UBE2E2: variants seen among roughly 807,000 people sequenced by gnomAD.
UBE2E2 encodes the protein ubiquitin conjugating enzyme E2 E2.
A neutral mutation model predicts 24.7 loss-of-function variants in UBE2E2; 6 were observed. The observed-to-expected ratio is 0.24, with a 90% CI of 0.13 to 0.48. UBE2E2 has a LOEUF of 0.48. Ranked by LOEUF, UBE2E2 falls within the 20% of genes least tolerant of loss-of-function variation. The pLI is 0.99. For missense variants in UBE2E2, 169 were observed against 245.0 expected, an observed-to-expected ratio of 0.69 and a Z score of 2.07; for synonymous variants, 104 against 83.6, an observed-to-expected ratio of 1.24 and a Z score of -1.33.
chr3:23,515,399 A>G (rs1325313770), intron 4 of UBE2E2, among the ~76,000 whole-genome samples: 4 of 152,132 alleles, frequency 2.6e-5, no homozygotes, highest in Non-Finnish European at 4.4e-5. Context: ...GGCTTTCTCA[A>G]GGAAGTATTA....
intron 5 of UBE2E2, among the ~76,000 whole-genome samples, chr3:23,587,293 C>T (rs78022557): frequency 0.017 from 2,558 of 152,278 alleles, 29 homozygotes; most frequent in Middle Eastern, 0.041. Flanking sequence ...TTTCCCACCC[C>T]ACAGCTTCTT....
Position 23,214,228 on chromosome 3 carries a change from A to G in UBE2E2, c.177-3034A>G, listed in dbSNP as rs186391868. Among the ~76,000 whole-genome samples the G allele has an allele frequency of 1.5e-3, 231 of 152,262 alleles. 1 individual carries two copies. The highest frequency in any genetic ancestry group is 5.2e-3 in the African/African-American group (217 of 41,554). ...GGGATCTGGAGTTCAAATTTTATAT[A>G]GAATTATATGACAGAAAATTATGAT... On this transcript the variant is annotated intron_variant, in intron 2 of 5. Coordinates refer to ENST00000396703, the MANE Select transcript of UBE2E2 (RefSeq NM_152653.4).
chr3:23,248,250 G>A (rs1697471686), intron 3 of UBE2E2, among the ~76,000 whole-genome samples: 1 of 152,204 alleles, frequency 6.6e-6, no homozygotes, highest in East Asian at 1.9e-4. Context: ...TTTGAATGTG[G>A]GAACACTCCT....
chr3:23,224,850 A>C (rs1028704714), intron 3 of UBE2E2, among the ~76,000 whole-genome samples: 2 of 151,832 alleles, frequency 1.3e-5, no homozygotes. Context: ...TTTCTCTTAG[A>C]TATGTACCTA....
At chr3:23,345,721 T>A (rs1446685814) in intron 3 of UBE2E2, among the ~76,000 whole-genome samples, 1 of 152,234 alleles carries the variant, frequency 6.6e-6, no homozygotes. Context: ...TTGATTTTTT[T>A]AATGTCATGT....
At chr3:23,235,756 GT>G (rs1460717124) in intron 3 of UBE2E2, among the ~76,000 whole-genome samples, 1 of 152,102 alleles carries the variant, frequency 6.6e-6, no homozygotes, top group Non-Finnish European at 1.5e-5. Context: ...ATGGGGTTGG[GT>G]TTGAGTCTGT....
intron 3 of UBE2E2, among the ~76,000 whole-genome samples, chr3:23,457,356 C>A (rs140785285): frequency 7.2e-4 from 109 of 152,258 alleles, no homozygotes; most frequent in African/African-American, 2.4e-3. Context: ...ATAACACTTA[C>A]AAGTGAGTGC....
chr3:23,429,507 C>A (rs1350766805), intron 3 of UBE2E2, among the ~76,000 whole-genome samples: 3 of 152,120 alleles, frequency 2.0e-5, no homozygotes, highest in African/African-American at 7.2e-5. Context: ...TATAATTCAT[C>A]CCGTCAACAG....
intron 5 of UBE2E2, among the ~76,000 whole-genome samples, chr3:23,555,008 T>C (rs1695741385): frequency 1.3e-5 from 2 of 152,002 alleles, no homozygotes; most frequent in South Asian, 4.2e-4. Flanking sequence ...CCTTATCTCC[T>C]GGGTTCAAGT....
intron 3 of UBE2E2, among the ~76,000 whole-genome samples, chr3:23,239,284 A>G (rs1337799343): frequency 6.6e-6 from 1 of 152,192 alleles, no homozygotes; most frequent in Non-Finnish European, 1.5e-5. Context: ...AAATTGAGAT[A>G]TAATTTAAAT....
chr3:23,240,103 C>A (rs1259730357), intron 3 of UBE2E2, among the ~76,000 whole-genome samples: 7 of 152,018 alleles, frequency 4.6e-5, no homozygotes, highest in Non-Finnish European at 7.4e-5. Flanking sequence ...CAATAATATC[C>A]CTTTATACCT....
chr3:23,278,245 TTAAG>T (rs927789840), intron 3 of UBE2E2, among the ~76,000 whole-genome samples: 22 of 152,124 alleles, frequency 1.4e-4, no homozygotes, highest in Non-Finnish European at 2.2e-4. Context: ...ACAGTATTTA[TTAAG>T]TTTTTCCTAT....
intron 3 of UBE2E2, among the ~76,000 whole-genome samples, chr3:23,485,945 C>T (rs1349080730): frequency 6.6e-6 from 1 of 152,190 alleles, no homozygotes; most frequent in Non-Finnish European, 1.5e-5. Flanking sequence ...TCTTGCTTTG[C>T]CTGGTAACAA....
At chr3:23,368,161 CTTAA>C (rs1201217361) in intron 3 of UBE2E2, among the ~76,000 whole-genome samples, 37 of 151,992 alleles carry the variant, frequency 2.4e-4, no homozygotes, top group African/African-American at 6.0e-4. Context: ...TTCATTTACT[CTTAA>C]TTATTTATAT....
chr3:23,590,972 TTTG>T lies in UBE2E2; in HGVS notation c.*1163_*1165del, dbSNP rs201132758. ...GCCCTCAAGCTTTGTATTGTTCATT[TTTG>T]TTGTTGTTGTTGTTGTTGTTGCTGC... On this transcript the variant is annotated 3_prime_UTR_variant, in exon 6 of 6. Transcript: ENST00000396703. The T allele has an allele frequency of 1.2e-4, 19 of 152,230 alleles. No individual in the cohort carries two copies. The highest frequency in any genetic ancestry group is 4.2e-4 in the South Asian group (2 of 4,800). The allele number at this position is 152,230 out of a possible 1,614,324, so 9.4% of individuals were successfully genotyped here. A position where few individuals can be genotyped will look rare whatever the true frequency, so the allele number is the denominator to read the frequency against.
chr3:23,328,662 C>CTTT lies in UBE2E2; in HGVS notation c.227+111361_227+111363dup, dbSNP rs11433089. Among the ~76,000 whole-genome samples the CTTT allele has an allele frequency of 2.5e-3, 362 of 145,450 alleles. 3 individuals carry two copies. The highest frequency in any genetic ancestry group is 8.3e-3 in the African/African-American group (330 of 39,614). ...CTAAAATGCCGTAATCTCTCTCTCT[C>CTTT]TTTTTTTTTTTTTGTTTTGAGACGG... is the stretch of plus-strand genomic sequence containing the variant. On this transcript the variant is annotated intron_variant, in intron 3 of 5. Coordinates refer to ENST00000396703, the MANE Select transcript of UBE2E2 (RefSeq NM_152653.4).
intron 4 of UBE2E2, among the ~76,000 whole-genome samples, chr3:23,501,950 C>T (rs1261972602): frequency 6.6e-6 from 1 of 151,944 alleles, no homozygotes; most frequent in Non-Finnish European, 1.5e-5. Context: ...AACCACAATT[C>T]AAATGCACAT....
intron 1 of UBE2E2, chr3:23,204,573 G>C (rs913689441): frequency 1.5e-4 from 65 of 432,518 alleles, no homozygotes; most frequent in Non-Finnish European, 1.8e-4. Flanking sequence ...CTAAATATTT[G>C]CCTTTACTAC....
At chr3:23,531,331 A>G (rs1408425296) in intron 4 of UBE2E2, among the ~76,000 whole-genome samples, 1 of 152,200 alleles carries the variant, frequency 6.6e-6, no homozygotes, top group African/African-American at 2.4e-5. Flanking sequence ...ATTTTTGTAT[A>G]TTTCAACTTA....
Sources: gnomAD v4.1 joint callset for allele counts (sites outside exome capture counted in the v4.1 genomes callset) on GRCh38, gnomAD v4.1.1 for gene constraint, MANE v1.5 for transcripts, NCBI Gene and HGNC (gene_info 2026-07-23, HGNC 2026-07-21) for gene names.